Variants in SLC44A5 observed in about 807,000 individuals in gnomAD.
The protein encoded by SLC44A5 is choline transporter-like protein 5.
SLC44A5 carries 57 observed loss-of-function variants against 101.8 expected under a neutral mutation model. That is an observed-to-expected ratio of 0.56 (90% CI 0.45 to 0.70). SLC44A5 has a LOEUF of 0.70. SLC44A5 is among the 30% of genes least tolerant of loss of function. The pLI, the probability that SLC44A5 is intolerant of heterozygous loss-of-function variation, is 0.00. For missense variants in SLC44A5, 737 were observed against 853.1 expected, an observed-to-expected ratio of 0.86 and a Z score of 1.70; for synonymous variants, 281 against 290.9, an observed-to-expected ratio of 0.97 and a Z score of 0.35.
intron 2 of SLC44A5, among the ~76,000 whole-genome samples, chr1:75,421,784 T>C (rs546362273): frequency 4.2e-4 from 64 of 151,952 alleles, no homozygotes; most frequent in Non-Finnish European, 9.0e-4. Flanking sequence ...TTTTGTTATA[T>C]AATACAAACT....
chr1:75,674,914 T>C, the SLC44A5 span, among the ~76,000 whole-genome samples: 1 of 152,188 alleles, frequency 6.6e-6, no homozygotes, highest in Non-Finnish European at 1.5e-5. Context: ...GAATATCAGA[T>C]GGTTGTAGAT....
chr1:75,621,026 G>A, the SLC44A5 span, among the ~76,000 whole-genome samples: 2 of 152,100 alleles, frequency 1.3e-5, no homozygotes, highest in African/African-American at 2.4e-5. Flanking sequence ...TAGAAGGAAG[G>A]GGTCCAGTTT....
chr1:75,641,782 A>G, the SLC44A5 span: 2 of 1,564,360 alleles, frequency 1.3e-6, no homozygotes, highest in Non-Finnish European at 1.8e-6. Flanking sequence ...GAAATCCTTT[A>G]GAGTGCAAAG....
Position 75,222,614 on chromosome 1 carries a change from C to T in SLC44A5, c.986-154G>A, listed in dbSNP as rs555594098. ...TTATCTCTCCAAAAATGCCAATCTT[C>T]GAAATTAACTTTCACAAAATCCTAA... On this transcript the variant is annotated intron_variant, in intron 13 of 23. Coordinates refer to ENST00000370859, the MANE Select transcript of SLC44A5 (RefSeq NM_001130058.2). Among the ~76,000 whole-genome samples, 12 of 152,256 alleles carry T rather than the reference C, an allele frequency of 7.9e-5. No individual in the cohort carries two copies. In the East Asian group the frequency reaches 1.9e-3, roughly 25 times the overall value.
chr1:75,527,290 AAG>A (rs1670468759), intron 2 of SLC44A5, among the ~76,000 whole-genome samples: 2 of 137,338 alleles, frequency 1.5e-5, no homozygotes, highest in South Asian at 2.5e-4. Context: ...GAAAGGGAGA[AAG>A]AGAGAAAGAG....
rs1479645262 is a variant in SLC44A5, at chr1:75,255,263, TAAAC to T, written c.261-3973_261-3970del. Among the ~76,000 whole-genome samples the T allele has an allele frequency of 7.2e-5, 11 of 152,014 alleles. No individual in the cohort carries two copies. In the South Asian group the frequency reaches 1.9e-3, roughly 26 times the overall value. On this transcript the variant is annotated intron_variant, in intron 6 of 23. Transcript: ENST00000370859. ...GAATCAAAACATAAAAGAGAAAAAC[TAAAC>T]AAACAAACAAAAATTAAATTATTAA...
At chr1:75,332,551 T>C (rs1427773129) in intron 4 of SLC44A5, among the ~76,000 whole-genome samples, 1 of 152,188 alleles carries the variant, frequency 6.6e-6, no homozygotes, top group Non-Finnish European at 1.5e-5. Flanking sequence ...ACTATTATTA[T>C]AGAAGGTGGA....
chr1:75,247,684 T>TAG (rs1436204333), intron 7 of SLC44A5, among the ~76,000 whole-genome samples: 8 of 152,038 alleles, frequency 5.3e-5, no homozygotes, highest in African/African-American at 1.7e-4. Flanking sequence ...GGAGGAAATA[T>TAG]AGAAGAATGT....
the SLC44A5 span, among the ~76,000 whole-genome samples, chr1:75,631,120 C>T: frequency 6.6e-6 from 1 of 152,162 alleles, no homozygotes; most frequent in South Asian, 2.1e-4. Flanking sequence ...GTCAATTTCT[C>T]ACCAAATAAA....
intron 1 of SLC44A5, among the ~76,000 whole-genome samples, chr1:75,588,178 A>C (rs543450395): frequency 1.3e-5 from 2 of 148,958 alleles, no homozygotes; most frequent in East Asian, 2.1e-4. Flanking sequence ...GTATCCAAAA[A>C]AGTGGAGTTA....
intron 6 of SLC44A5, among the ~76,000 whole-genome samples, chr1:75,265,455 C>A (rs940953614): frequency 1.3e-5 from 2 of 151,924 alleles, no homozygotes; most frequent in African/African-American, 2.4e-5. Context: ...TTAATGGGTA[C>A]AAACATAGAA....
intron 14 of SLC44A5, among the ~76,000 whole-genome samples, chr1:75,220,236 A>T (rs1647050316): frequency 6.6e-6 from 1 of 152,126 alleles, no homozygotes; most frequent in East Asian, 1.9e-4. Context: ...CATGTGTCAC[A>T]CTGAGGGAAT....
intron 2 of SLC44A5, among the ~76,000 whole-genome samples, chr1:75,528,816 T>C (rs1670567107): frequency 6.6e-6 from 1 of 152,218 alleles, no homozygotes; most frequent in African/African-American, 2.4e-5. Context: ...CAAAATGTTC[T>C]TATGGTTTTC....
At chr1:75,679,699 A>G in the SLC44A5 span, among the ~76,000 whole-genome samples, 14 of 152,306 alleles carry the variant, frequency 9.2e-5, no homozygotes, top group Admixed American at 9.2e-4. Context: ...AAGAAACTGC[A>G]TCAACTAACA....
At chr1:75,543,521 T>A (rs1671466586) in intron 1 of SLC44A5, among the ~76,000 whole-genome samples, 1 of 151,372 alleles carries the variant, frequency 6.6e-6, no homozygotes, top group Admixed American at 6.6e-5. Flanking sequence ...TGTCAGAGAC[T>A]GTTCTCGATA....
chr1:75,704,014 C>T, the SLC44A5 span, among the ~76,000 whole-genome samples: 1 of 151,730 alleles, frequency 6.6e-6, no homozygotes, highest in Non-Finnish European at 1.5e-5. Context: ...ATGGTGGGAC[C>T]CTGTCTCTAA....
intron 2 of SLC44A5, among the ~76,000 whole-genome samples, chr1:75,408,357 T>C (rs1663043281): frequency 6.6e-6 from 1 of 152,168 alleles, no homozygotes; most frequent in Non-Finnish European, 1.5e-5. Flanking sequence ...GCAATCCTAT[T>C]ACTGGGTATA....
intron 3 of SLC44A5, among the ~76,000 whole-genome samples, chr1:75,358,179 A>C (rs1659222466): frequency 6.6e-6 from 1 of 152,228 alleles, no homozygotes; most frequent in Non-Finnish European, 1.5e-5. Flanking sequence ...AAAATTGGTA[A>C]GTTTGAACAG....
At chr1:75,621,325 T>C in the SLC44A5 span, among the ~76,000 whole-genome samples, 118 of 151,968 alleles carry the variant, frequency 7.8e-4, 1 homozygote, top group South Asian at 5.2e-3. Flanking sequence ...TATTCTTAGA[T>C]TTTTCTAGCC....
Sources: gnomAD v4.1 joint callset for allele counts (sites outside exome capture counted in the v4.1 genomes callset) on GRCh38, gnomAD v4.1.1 for gene constraint, MANE v1.5 for transcripts, NCBI Gene and HGNC (gene_info 2026-07-23, HGNC 2026-07-21) for gene names.